DACH1: variants seen among roughly 807,000 people sequenced by gnomAD.
DACH1 encodes the protein dachshund family transcription factor 1, also known as dachshund homolog 1.
Under a neutral mutation model 54.2 loss-of-function variants are expected in DACH1, and 12 were observed. The ratio of observed to expected loss-of-function variants is 0.22; its 90% CI spans 0.14 to 0.36. DACH1 has a LOEUF of 0.36. Ranked by LOEUF, DACH1 falls within the 10% of genes least tolerant of loss-of-function variation. The pLI, the probability that DACH1 is intolerant of heterozygous loss-of-function variation, is 1.00. For missense variants in DACH1, 805 were observed against 929.8 expected (o/e 0.87, Z 1.75); for synonymous variants, 386 against 366.2 (o/e 1.05, Z -0.62).
In DACH1 at chr13:71,475,176, C is replaced by T. The variant is rs1877404817; in HGVS notation, c.2048G>A (p.Ser683Asn). 1 of 1,614,010 alleles carries T rather than the reference C, an allele frequency of 6.2e-7. No individual in the cohort carries two copies. The highest frequency in any genetic ancestry group is 1.3e-5 in the African/African-American group (1 of 75,034). The change falls in exon 10 of 11, where the codon AGT (serine) becomes AAT (asparagine). Residue 683 changes from serine (S) to asparagine (N), a missense_variant. Ser to Asn is a conservative substitution (Grantham distance 46). This residue lies in a region of DACH1 where 472 missense variants were observed against 545.3 expected (regional missense o/e 0.87). Transcript: ENST00000613252. ...SLTPEIEADR[S>N]GGRTDAERTI... Reference sequence around the variant, plus strand: ...CCTTTCAGCATCTGTTCTGCCGCCACTGCGGTCAGCCTCTATCTCTGGGGT... The same window carrying T: ...CCTTTCAGCATCTGTTCTGCCGCCATTGCGGTCAGCCTCTATCTCTGGGGT...
chr13:71,464,584 T>C (rs187443055), intron 10 of DACH1: 3 of 442,238 alleles, frequency 6.8e-6, no homozygotes, highest in African/African-American at 4.0e-5. Flanking sequence ...GAAAGATTAA[T>C]TAATACATGC....
chr13:71,758,708 G>A (rs748375885), intron 1 of DACH1, among the ~76,000 whole-genome samples: 5 of 152,146 alleles, frequency 3.3e-5, no homozygotes, highest in African/African-American at 7.2e-5. Flanking sequence ...TGGGTCTGCC[G>A]AAGGAAGTTA....
At chr13:71,470,111 A>C (rs1433475432) in intron 10 of DACH1, among the ~76,000 whole-genome samples, 1 of 152,200 alleles carries the variant, frequency 6.6e-6, no homozygotes, top group African/African-American at 2.4e-5. Flanking sequence ...ACTAGTTTGA[A>C]AATGAACTTT....
chr13:71,643,584 TAACTC>T (rs937486577), intron 2 of DACH1, among the ~76,000 whole-genome samples: 6 of 152,346 alleles, frequency 3.9e-5, no homozygotes, highest in African/African-American at 1.2e-4. Context: ...AAAGGAGACT[TAACTC>T]TACAGAAGGT....
At chr13:71,790,403 C>T (rs751407716) in intron 1 of DACH1, among the ~76,000 whole-genome samples, 33 of 152,026 alleles carry the variant, frequency 2.2e-4, no homozygotes, top group Non-Finnish European at 3.2e-4. Flanking sequence ...ATAATGTTGA[C>T]GCTTAAGAAA....
chr13:71,649,240 T>C (rs572354848), intron 2 of DACH1, among the ~76,000 whole-genome samples: 75 of 152,290 alleles, frequency 4.9e-4, no homozygotes, highest in Admixed American at 9.2e-4. Flanking sequence ...TAGTAAGCTA[T>C]ACCACCTAGG....
chr13:71,449,267 A>G (rs1874782948), intron 10 of DACH1, among the ~76,000 whole-genome samples: 1 of 152,146 alleles, frequency 6.6e-6, no homozygotes, highest in African/African-American at 2.4e-5. Flanking sequence ...CGGAGATTGC[A>G]GTGAGCCGAG....
intron 1 of DACH1, among the ~76,000 whole-genome samples, chr13:71,730,819 G>C (rs746917444): frequency 2.0e-5 from 3 of 151,648 alleles, no homozygotes; most frequent in Non-Finnish European, 4.4e-5. Flanking sequence ...ATGTAAAATA[G>C]CTACAATTAT....
At chr13:71,815,495 A>T (rs1302450415) in intron 1 of DACH1, among the ~76,000 whole-genome samples, 1 of 152,216 alleles carries the variant, frequency 6.6e-6, no homozygotes, top group African/African-American at 2.4e-5. Context: ...ATAGCATTTA[A>T]AGCCATTTAT....
intron 6 of DACH1, among the ~76,000 whole-genome samples, chr13:71,541,737 T>C (rs1324867833): frequency 6.6e-6 from 1 of 152,006 alleles, no homozygotes; most frequent in Non-Finnish European, 1.5e-5. Flanking sequence ...TAAATTCTTG[T>C]TATTAAAGAA....
rs1266841143 is a variant in DACH1 at position 71,557,072 on chromosome 13, C to T, written c.1522G>A (p.Ala508Thr). The T allele has an allele frequency of 6.2e-7, 1 of 1,611,126 alleles. No homozygotes were observed. The part of the protein sequence containing the change: ...VLPGPKEGDL[A>T]GHDMGHESKR... The stretch of plus-strand genomic sequence containing the variant: ...GACTCATGTCCCATGTCATGACCGG[C>T]CAAATCTCCCTCTTTGGGCCCAGGA... Residue 508 changes from alanine (A) to threonine (T), a missense_variant, in exon 6 of 11, where the codon GCC (alanine) becomes ACC (threonine). Ala to Thr is a moderately conservative substitution (Grantham distance 58). This residue lies in a region of DACH1 where 472 missense variants were observed against 545.3 expected (regional missense o/e 0.87). Coordinates refer to ENST00000613252, the MANE Select transcript of DACH1 (RefSeq NM_080759.6).
rs780907963 is a variant in DACH1, at chr13:71,866,674, G to C, written c.96C>G (p.Ser32=). 1.4e-6 allele frequency: 2 copies of C among 1,455,872 alleles called. No individual in the cohort carries two copies. The highest frequency in any genetic ancestry group is 1.8e-6 in the Non-Finnish European group (2 of 1,096,804). The allele number at this position is 1,455,872 out of a possible 1,614,324, so 90.2% of individuals were successfully genotyped here. ...CCGGAGACGAAGTCGCCGAAGAGGT[G>C]GAGGTGGTGGTGCCAGAGGAGGAAG... ...TSASSSGTTT[S]TSSATSSPAP... is the part of the protein sequence containing the mutation. Residue 32 remains serine, a synonymous_variant, in exon 1 of 11, where the codon TCC becomes TCG. Coordinates refer to ENST00000613252, the MANE Select transcript of DACH1 (RefSeq NM_080759.6).
At chr13:71,795,834 T>TA (rs763505295) in intron 1 of DACH1, among the ~76,000 whole-genome samples, 13 of 152,124 alleles carry the variant, frequency 8.5e-5, no homozygotes, top group African/African-American at 2.9e-4. Context: ...GGAGCAAATT[T>TA]AAAAAAATGC....
intron 6 of DACH1, among the ~76,000 whole-genome samples, chr13:71,550,439 A>G (rs1451485240): frequency 2.0e-5 from 3 of 152,164 alleles, no homozygotes; most frequent in Non-Finnish European, 2.9e-5. Context: ...AGAAACAGAA[A>G]TCATGTAGGA....
chr13:71,632,295 T>G (rs1042546743), intron 2 of DACH1, among the ~76,000 whole-genome samples: 2 of 151,910 alleles, frequency 1.3e-5, no homozygotes, highest in African/African-American at 4.8e-5. Flanking sequence ...TTTTGCCAAG[T>G]CAGTTCACTT....
intron 6 of DACH1, among the ~76,000 whole-genome samples, chr13:71,525,373 TTTCTTTTTGTGA>T: frequency 6.6e-6 from 1 of 152,260 alleles, no homozygotes; most frequent in Non-Finnish European, 1.5e-5. Flanking sequence ...CCCACTGACA[TTTCTTTTTGTGA>T]TTCTTTAACC....
chr13:71,569,618 G>GA (rs1026089538), intron 4 of DACH1, among the ~76,000 whole-genome samples: 2 of 152,016 alleles, frequency 1.3e-5, no homozygotes, highest in Non-Finnish European at 2.9e-5. Flanking sequence ...ATATGTTAAT[G>GA]AAAAAACTTT....
At chr13:71,635,203 A>G (rs916841853) in intron 2 of DACH1, among the ~76,000 whole-genome samples, 1 of 152,204 alleles carries the variant, frequency 6.6e-6, no homozygotes, top group African/African-American at 2.4e-5. Context: ...TGTTACATTA[A>G]GTGTGTATAG....
chr13:71,529,183 G>GTTTTTTTTTGTTTTTTTT (rs1882223472), intron 6 of DACH1, among the ~76,000 whole-genome samples: 1 of 80,980 alleles, frequency 1.2e-5, no homozygotes, highest in African/African-American at 4.4e-5. Flanking sequence ...TGTGATTTGG[G>GTTTTTTTTTGTTTTTTTT]TTTTTTTTTT....
Sources: gnomAD v4.1 joint callset for allele counts (sites outside exome capture counted in the v4.1 genomes callset) on GRCh38, gnomAD v4.1.1 for gene constraint, gnomAD v4.1.1 regional missense constraint, MANE v1.5 for transcripts, NCBI Gene and HGNC (gene_info 2026-07-23, HGNC 2026-07-21) for gene names.